PRMT1: variants seen among roughly 807,000 people sequenced by gnomAD.
PRMT1 encodes the protein protein arginine methyltransferase 1, also known as protein arginine N-methyltransferase 1.
In PRMT1, 5 loss-of-function variants were observed where a neutral mutation model predicts 47.4. The ratio of observed to expected loss-of-function variants is 0.11; its 90% CI spans 0.06 to 0.22. The LOEUF (loss-of-function observed/expected upper bound fraction) is 0.22. Among genes scored for constraint, PRMT1 ranks in the 10% least tolerant of loss-of-function variants. The pLI, the probability that PRMT1 is intolerant of heterozygous loss-of-function variation, is 1.00. For synonymous variants in PRMT1, 227 were observed against 204.6 expected (o/e 1.11, Z -0.94); for missense variants, 249 against 518.4 (o/e 0.48, Z 5.05).
chr19:49,685,538 C>A lies in PRMT1; in HGVS notation c.759+501C>A. 1 of 1,017,954 alleles carries A rather than the reference C, an allele frequency of 9.8e-7. No individual in the cohort carries two copies. The highest frequency in any genetic ancestry group is 1.2e-6 in the Non-Finnish European group (1 of 849,692). 63.1% of individuals were successfully genotyped at this position (1,017,954 alleles called of 1,614,324 possible). ...CTTTTGTTTTTTTTTACTTCTGAGA[C>A]CCTGTTTAAAAAAAAAAAATACGGC... On this transcript the variant is annotated intron_variant, in intron 8 of 10. Transcript: ENST00000454376. The surrounding 1 kb of genome is among the most constrained non-coding windows in gnomAD (Gnocchi z 4.7).
At position 49,682,078 on chromosome 19, in the gene PRMT1, G is replaced by A. The variant is rs1450641044; in HGVS notation, c.348+13G>A. The A allele has an allele frequency of 1.2e-6, 2 of 1,613,850 alleles. No homozygotes were observed. The highest frequency in any genetic ancestry group is 1.7e-5 in the Admixed American group (1 of 60,004). On this transcript the variant is annotated intron_variant, in intron 4 of 10. Coordinates refer to ENST00000454376, the MANE Select transcript of PRMT1 (RefSeq NM_001536.6). Reference sequence around the variant, plus strand: ...CAAGGTCATCGGGGTGAGTCTCCAGGGTGGCCAGGCGGGGCCGGGCCTGAG... The same window carrying A: ...CAAGGTCATCGGGGTGAGTCTCCAGAGTGGCCAGGCGGGGCCGGGCCTGAG...
upstream of PRMT1, chr19:49,677,111 C>A (rs117039051): frequency 3.8e-6 from 2 of 520,660 alleles, no homozygotes; most frequent in Admixed American, 8.7e-5. Context: ...GACGTATTCT[C>A]TAGCCAATTA....
chr19:49,681,939 C>T lies in PRMT1; in HGVS notation c.222C>T (p.Leu74=). The T allele has an allele frequency of 1.2e-6, 2 of 1,614,166 alleles. No individual in the cohort carries two copies. The highest frequency in any genetic ancestry group is 8.5e-7 in the Non-Finnish European group (1 of 1,180,012). Residue 74 remains leucine (L), a synonymous_variant, in exon 4 of 11, where the codon CTC becomes CTT. Coordinates refer to ENST00000454376, the MANE Select transcript of PRMT1 (RefSeq NM_001536.6). The surrounding 1 kb of genome is among the most constrained non-coding windows in gnomAD (Gnocchi z 4.4). ...EEMLKDEVRT[L]TYRNSMFHNR... Reference sequence around the variant, plus strand: ...TGCTGAAGGACGAGGTGCGCACCCTCACTTACCGCAACTCCATGTTTCATA... The same window carrying T: ...TGCTGAAGGACGAGGTGCGCACCCTTACTTACCGCAACTCCATGTTTCATA...
chr19:49,684,784 G>A lies in PRMT1; in HGVS notation c.586G>A (p.Ala196Thr). Residue 196 changes from alanine (A) to threonine (T), a missense_variant, in exon 7 of 11, where the codon GCC becomes ACC. This residue lies in a region of PRMT1 where 190 missense variants were observed against 456.7 expected (regional missense o/e 0.42). Transcript: ENST00000454376. This position sits in a 1 kb window ranked among gnomAD's most constrained non-coding sequence, Gnocchi z 6.2. ...CGATGGCCTCATCTTCCCAGACCGG[G>A]CCACGCTGTATGTGACGGCCATCGA... Reference protein sequence around the residue: ...APDGLIFPDRATLYVTAIEDR... With the variant: ...APDGLIFPDRTTLYVTAIEDR... The A allele has an allele frequency of 3.2e-6, 5 of 1,570,086 alleles. No homozygotes were observed. Among genetic ancestry groups the A allele is most frequent in the Non-Finnish European group, 4.3e-6 (5 of 1,157,512 alleles).
chr19:49,683,246 T>A (rs1320775971), intron 5 of PRMT1, among the ~76,000 whole-genome samples: 1 of 151,942 alleles, frequency 6.6e-6, no homozygotes, highest in African/African-American at 2.4e-5. Context: ...GAGATTATTA[T>A]AATGAACGCA....
In PRMT1 at chr19:49,681,818, C is replaced by A; in HGVS notation, c.193-92C>A. The stretch of plus-strand genomic sequence containing the variant: ...GGTGCATGGAAGAAAGCGAGAGGGC[C>A]GAGCTCTGGCCCTCCGAGCTCTCAG... On this transcript the variant is annotated intron_variant, in intron 3 of 10. Transcript: ENST00000454376. The surrounding 1 kb of genome is among the most constrained non-coding windows in gnomAD (Gnocchi z 4.4). 7.7e-7 allele frequency: 1 copy of A among 1,307,056 alleles called. No homozygotes were observed. Among genetic ancestry groups the A allele is most frequent in the Non-Finnish European group, 1.0e-6 (1 of 964,730 alleles). The allele number at this position is 1,307,056 out of a possible 1,614,324, so 81.0% of individuals were successfully genotyped here. A position where few individuals can be genotyped will look rare whatever the true frequency, so the allele number is the denominator to read the frequency against.
At chr19:49,683,790 C>G in intron 5 of PRMT1, 137 bp from the exon 6 acceptor site, 1 of 939,504 alleles carries the variant, frequency 1.1e-6, no homozygotes, top group Non-Finnish European at 1.6e-6. Context: ...AATTTTAAAA[C>G]TGTTAGAAGG....
intron 8 of PRMT1, 38 bp from the exon 9 acceptor site, chr19:49,686,055 G>C: frequency 1.9e-6 from 3 of 1,594,798 alleles, no homozygotes; most frequent in Non-Finnish European, 2.6e-6. Flanking sequence ...AAGCGAGGTG[G>C]GGACGCATCC....
chr19:49,680,435 G>A lies in PRMT1; in HGVS notation c.91-52G>A. On this transcript the variant is annotated intron_variant, in intron 2 of 10. Transcript: ENST00000454376. The surrounding 1 kb of genome is among the most constrained non-coding windows in gnomAD (Gnocchi z 4.2). ...AAAGTAGGGCGCTGGAGGTTTAAGA[G>A]GCTGTGGGGAGCCCCCAGATCTGAC... 2 of 1,434,932 alleles carry A rather than the reference G, an allele frequency of 1.4e-6. No homozygotes were observed. The highest frequency in any genetic ancestry group is 2.0e-6 in the Non-Finnish European group (2 of 1,017,424). The allele number at this position is 1,434,932 out of a possible 1,614,324, so 88.9% of individuals were successfully genotyped here.
At chr19:49,687,431 T>C (rs995673488) in intron 10 of PRMT1, among the ~76,000 whole-genome samples, 5 of 151,578 alleles carry the variant, frequency 3.3e-5, no homozygotes, top group Non-Finnish European at 7.4e-5. Context: ...AGGGTAGTCA[T>C]GGAATGTGGA....
In PRMT1 at chr19:49,684,629, G is replaced by A. The variant is rs972734740; in HGVS notation, c.556-125G>A. 2.1e-5 allele frequency: 23 copies of A among 1,119,496 alleles called. No homozygotes were observed. The highest frequency in any genetic ancestry group is 9.8e-5 in the Admixed American group (4 of 40,890). 69.3% of individuals were successfully genotyped at this position (1,119,496 alleles called of 1,614,324 possible). Reference sequence around the variant, plus strand: ...CCGTGTGGGAAATAGACCAGGGGGCGAGGGGTGAGTGCCGCTGCGACATGA... The same window carrying A: ...CCGTGTGGGAAATAGACCAGGGGGCAAGGGGTGAGTGCCGCTGCGACATGA... On this transcript the variant is annotated intron_variant, in intron 6 of 10. Coordinates refer to ENST00000454376, the MANE Select transcript of PRMT1 (RefSeq NM_001536.6). The surrounding 1 kb of genome is among the most constrained non-coding windows in gnomAD (Gnocchi z 6.2).
rs201715451 is a variant in PRMT1, at chr19:49,684,848, G to A, written c.643+7G>A. The A allele has an allele frequency of 4.3e-5, 70 of 1,612,186 alleles. No homozygotes were observed. Among genetic ancestry groups the A allele is most frequent in the East Asian group, 3.8e-4 (17 of 44,840 alleles). ...AAAGACTACAAGATCCACTGTGAGC[G>A]CGGCCCGGGAGCTGGCGGGCGGGGC... On this transcript the variant is annotated splice_region_variant and intron_variant, in intron 7 of 10. Transcript: ENST00000454376. This position sits in a 1 kb window ranked among gnomAD's most constrained non-coding sequence, Gnocchi z 6.2.
Position 49,681,870 on chromosome 19 carries a change from T to A in PRMT1, c.193-40T>A, listed in dbSNP as rs763480376. On this transcript the variant is annotated intron_variant, in intron 3 of 10. Coordinates refer to ENST00000454376, the MANE Select transcript of PRMT1 (RefSeq NM_001536.6). This position sits in a 1 kb window ranked among gnomAD's most constrained non-coding sequence, Gnocchi z 4.4. The stretch of plus-strand genomic sequence containing the variant: ...ACACGCTGTTCTCCAGCTGGGGATA[T>A]GGGGCCCCTCACGGCGTCTCTGTGC... 6.3e-7 allele frequency: 1 copy of A among 1,587,548 alleles called. No homozygotes were observed. Among genetic ancestry groups the A allele is most frequent in the Non-Finnish European group, 8.6e-7 (1 of 1,162,446 alleles).
At chr19:49,686,454 T>C in intron 9 of PRMT1, 151 bp from the exon 10 acceptor site, 1 of 1,159,784 alleles carries the variant, frequency 8.6e-7, no homozygotes, top group Non-Finnish European at 1.2e-6. Flanking sequence ...GCTGACACGG[T>C]CCCTGTCTCC....
chr19:49,686,575 C>T (rs755768977), intron 9 of PRMT1, 30 bp from the exon 10 acceptor site: 15 of 1,598,092 alleles, frequency 9.4e-6, no homozygotes, highest in South Asian at 6.7e-5. Flanking sequence ...GGCAGCAGGC[C>T]GAGGCCGGCT....
rs758051799 is a variant in PRMT1, at chr19:49,680,157, T to G, written c.90+232T>G. On this transcript the variant is annotated intron_variant, in intron 2 of 10. Transcript: ENST00000454376. The surrounding 1 kb of genome is among the most constrained non-coding windows in gnomAD (Gnocchi z 4.2). ...CCTCCAACCCCCCTTTGCCCTTCCC[T>G]GTGTCTGCCCCCATTTTCCTTCCCC... is the stretch of plus-strand genomic sequence containing the variant. 2.0e-6 allele frequency: 3 copies of G among 1,519,138 alleles called. No individual in the cohort carries two copies. The highest frequency in any genetic ancestry group is 1.8e-6 in the Non-Finnish European group (2 of 1,113,108). 94.1% of individuals were successfully genotyped at this position (1,519,138 alleles called of 1,614,324 possible). A position where few individuals can be genotyped will look rare whatever the true frequency, so the allele number is the denominator to read the frequency against.
At position 49,684,501 on chromosome 19, in the gene PRMT1, AC is replaced by A. The variant is rs2082174608; in HGVS notation, c.556-249del. ...TGCAGATTTTGTGGAGGCTTATGGGACCCCGTGCTTTTCCTCTCAGAGCAGC... is the reference window on the plus strand; with the variant it reads ...TGCAGATTTTGTGGAGGCTTATGGGACCCGTGCTTTTCCTCTCAGAGCAGC... On this transcript the variant is annotated intron_variant, in intron 6 of 10. Coordinates refer to ENST00000454376, the MANE Select transcript of PRMT1 (RefSeq NM_001536.6). The surrounding 1 kb of genome is among the most constrained non-coding windows in gnomAD (Gnocchi z 6.2). Among the ~76,000 whole-genome samples, 1 of 151,858 alleles carries A rather than the reference AC, an allele frequency of 6.6e-6. No homozygotes were observed. The highest frequency in any genetic ancestry group is 6.6e-5 in the Admixed American group (1 of 15,238).
chr19:49,682,740 G>T (rs955343088), intron 5 of PRMT1, among the ~76,000 whole-genome samples: 4 of 149,144 alleles, frequency 2.7e-5, no homozygotes, highest in Non-Finnish European at 5.9e-5. Flanking sequence ...TGCGGCATCC[G>T]CTCTTTTGCA....
chr19:49,680,904 C>T lies in PRMT1; in HGVS notation c.192+316C>T, dbSNP rs1228255593. ...AGTGACCGGCGGTGGGACTGCGCCC[C>T]GGCTGCTCCCGCCCTAACAGCTTCT... On this transcript the variant is annotated intron_variant, in intron 3 of 10. Transcript: ENST00000454376. The surrounding 1 kb of genome is among the most constrained non-coding windows in gnomAD (Gnocchi z 4.2). 1.3e-5 allele frequency among the ~76,000 whole-genome samples: 2 copies of T among 152,228 alleles called. No individual in the cohort carries two copies. Among genetic ancestry groups the T allele is most frequent in the East Asian group, 1.9e-4 (1 of 5,194 alleles).
Sources: gnomAD v4.1 joint callset for allele counts (sites outside exome capture counted in the v4.1 genomes callset) on GRCh38, gnomAD v4.1.1 for gene constraint, gnomAD v4.1.1 regional missense constraint, Gnocchi (gnomAD v3.1) non-coding constraint, MANE v1.5 for transcripts, NCBI Gene and HGNC (gene_info 2026-07-23, HGNC 2026-07-21) for gene names.